Variants in ACCSL observed in about 807,000 individuals in gnomAD.
The protein encoded by ACCSL is 1-aminocyclopropane-1-carboxylate synthase homolog (inactive) like.
In ACCSL, 55 loss-of-function variants were observed where a neutral mutation model predicts 61.7. That is an observed-to-expected ratio of 0.89 (90% CI 0.72 to 1.12). The LOEUF (loss-of-function observed/expected upper bound fraction) is 1.12. ACCSL is among the 50% of genes most tolerant of loss of function. The pLI is 0.00. For synonymous variants in ACCSL, 258 were observed against 264.3 expected (o/e 0.98, Z 0.23); for missense variants, 632 against 698.0 (o/e 0.91, Z 1.07).
intron 11 of ACCSL, among the ~76,000 whole-genome samples, chr11:44,056,900 C>T (rs1430098614): frequency 6.6e-6 from 1 of 152,188 alleles, no homozygotes; most frequent in Non-Finnish European, 1.5e-5. Flanking sequence ...GTGTTCTACC[C>T]AGATGTGGGA....
the ACCSL span, among the ~76,000 whole-genome samples, chr11:43,936,880 A>ACC: frequency 4.7e-5 from 7 of 149,082 alleles, no homozygotes; most frequent in African/African-American, 1.7e-4. Flanking sequence ...CAATTTCCCC[A>ACC]CCCCCCCCTC....
At chr11:44,044,407 G>A (rs569592297), upstream of ACCSL, among the ~76,000 whole-genome samples, 1 of 152,140 alleles carries the variant, frequency 6.6e-6, no homozygotes, top group Admixed American at 6.5e-5. Context: ...ACATCCTACA[G>A]TTAGTGAGCA....
chr11:43,936,882 C>T, the ACCSL span, among the ~76,000 whole-genome samples: 1 of 151,946 alleles, frequency 6.6e-6, no homozygotes, highest in Non-Finnish European at 1.5e-5. Flanking sequence ...ATTTCCCCAC[C>T]CCCCCCTCCT....
chr11:44,033,754 A>G, the ACCSL span, among the ~76,000 whole-genome samples: 1 of 151,748 alleles, frequency 6.6e-6, no homozygotes, highest in Non-Finnish European at 1.5e-5. Context: ...AAGCAGGAAG[A>G]CCTTGTTTGG....
At chr11:43,934,279 G>GT in the ACCSL span, among the ~76,000 whole-genome samples, 1 of 152,212 alleles carries the variant, frequency 6.6e-6, no homozygotes, top group South Asian at 2.1e-4. Flanking sequence ...GAAGCAGTTG[G>GT]TTAAATGCTG....
chr11:43,977,502 C>A, the ACCSL span, among the ~76,000 whole-genome samples: 1 of 152,132 alleles, frequency 6.6e-6, no homozygotes. Flanking sequence ...GCTTTAGAAG[C>A]TGGAAAGAAC....
the ACCSL span, chr11:43,945,503 C>A: frequency 6.6e-6 from 1 of 152,230 alleles, no homozygotes; most frequent in South Asian, 2.1e-4. Flanking sequence ...GGCTTCTAGA[C>A]CCTTCAGGCC....
At chr11:43,943,877 C>T in the ACCSL span, 1 of 1,246,100 alleles carries the variant, frequency 8.0e-7, no homozygotes, top group Non-Finnish European at 1.0e-6. The surrounding 1 kb of genome is among the most constrained non-coding windows in gnomAD (Gnocchi z 4.8). Context: ...TATATTTGCA[C>T]AGTGCAGTTT....
rs775616881 is a variant in ACCSL, at chr11:44,059,111, G to A, written c.1624+412G>A. 4.9e-4 allele frequency among the ~76,000 whole-genome samples: 75 copies of A among 152,104 alleles called. 1 individual carries two copies. The highest frequency in any genetic ancestry group is 1.4e-3 in the African/African-American group (60 of 41,420). ...CAAAAAATTAGCCACGCATGGTGGC[G>A]CACGCCTGTAATCCCAGCTACTCGG... is the stretch of plus-strand genomic sequence containing the variant. On this transcript the variant is annotated intron_variant, in intron 13 of 13. Coordinates refer to ENST00000378832, the MANE Select transcript of ACCSL (RefSeq NM_001031854.2).
the ACCSL span, among the ~76,000 whole-genome samples, chr11:44,014,273 T>C: frequency 6.6e-6 from 1 of 152,206 alleles, no homozygotes; most frequent in South Asian, 2.1e-4. Context: ...AGGAGGCCCC[T>C]TGAGGTCCAG....
At chr11:43,995,769 G>C in the ACCSL span, among the ~76,000 whole-genome samples, 1 of 152,114 alleles carries the variant, frequency 6.6e-6, no homozygotes, top group East Asian at 1.9e-4. Context: ...GAATAAGAAG[G>C]GGCCTTGCCA....
At chr11:43,958,951 A>T in the ACCSL span, among the ~76,000 whole-genome samples, 1 of 152,126 alleles carries the variant, frequency 6.6e-6, no homozygotes, top group Admixed American at 6.5e-5. Flanking sequence ...CTGTTGCTCC[A>T]TCCTTTGGAG....
the ACCSL span, among the ~76,000 whole-genome samples, chr11:43,980,268 G>C: frequency 6.6e-6 from 1 of 152,198 alleles, no homozygotes; most frequent in Non-Finnish European, 1.5e-5. Context: ...GAATATTTTT[G>C]CACCTAAACC....
intron 9 of ACCSL, 116 bp from the exon 10 acceptor site, chr11:44,055,924 G>A: frequency 8.6e-7 from 1 of 1,160,306 alleles, no homozygotes; most frequent in Non-Finnish European, 1.2e-6. Context: ...TGAGCTTTGG[G>A]CCCTATAGGC....
chr11:44,027,842 A>G, the ACCSL span, among the ~76,000 whole-genome samples: 3 of 152,196 alleles, frequency 2.0e-5, no homozygotes, highest in African/African-American at 7.2e-5. Flanking sequence ...AGGCATATAT[A>G]TAATAGATAT....
chr11:43,950,620 G>A, the ACCSL span, among the ~76,000 whole-genome samples: 1 of 152,200 alleles, frequency 6.6e-6, no homozygotes, highest in African/African-American at 2.4e-5. Flanking sequence ...CTCCCTACCG[G>A]TATTCTCTTT....
upstream of ACCSL, among the ~76,000 whole-genome samples, chr11:44,046,759 A>C (rs1383794474): frequency 1.3e-5 from 2 of 152,158 alleles, no homozygotes; most frequent in African/African-American, 4.8e-5. Flanking sequence ...TTTTAGAAAA[A>C]AGGGTCTTGA....
At chr11:44,049,908 G>T (rs1952625214) in intron 1 of ACCSL, 154 bp from the exon 2 acceptor site, 5 of 933,288 alleles carry the variant, frequency 5.4e-6, no homozygotes, top group South Asian at 2.9e-5. Context: ...TACTATTTTG[G>T]GTTCATGGAA....
chr11:43,977,919 G>C, the ACCSL span, among the ~76,000 whole-genome samples: 1 of 151,692 alleles, frequency 6.6e-6, no homozygotes, highest in African/African-American at 2.4e-5. Context: ...TATAGAATAT[G>C]CTTCCTACTT....
Sources: gnomAD v4.1 joint callset for allele counts (sites outside exome capture counted in the v4.1 genomes callset) on GRCh38, gnomAD v4.1.1 for gene constraint, Gnocchi (gnomAD v3.1) non-coding constraint, MANE v1.5 for transcripts, NCBI Gene and HGNC (gene_info 2026-07-23, HGNC 2026-07-21) for gene names.